VTI1A: variants seen among roughly 807,000 people sequenced by gnomAD.
VTI1A encodes vesicle transport through interaction with t-SNAREs 1A, also known as vesicle transport through interaction with t-SNAREs homolog 1A.
In VTI1A, 22 loss-of-function variants were observed where a neutral mutation model predicts 34.9. The ratio of observed to expected loss-of-function variants is 0.63; its 90% CI spans 0.45 to 0.90. The LOEUF (loss-of-function observed/expected upper bound fraction) is 0.90. VTI1A is among the 40% of genes least tolerant of loss of function. VTI1A has a pLI of 0.00. For missense variants in VTI1A, 268 were observed against 275.6 expected (o/e 0.97, Z 0.20); for synonymous variants, 87 against 97.3 (o/e 0.89, Z 0.62).
At position 112,815,985 on chromosome 10, in the gene VTI1A, A is replaced by T; in HGVS notation, c.*602A>T. 4.6e-6 allele frequency: 1 copy of T among 218,008 alleles called. No homozygotes were observed. Among genetic ancestry groups the T allele is most frequent in the East Asian group, 6.8e-5 (1 of 14,616 alleles). 13.5% of individuals were successfully genotyped at this position (218,008 alleles called of 1,614,324 possible). On this transcript the variant is annotated 3_prime_UTR_variant, in exon 8 of 8. Coordinates refer to ENST00000393077, the MANE Select transcript of VTI1A (RefSeq NM_145206.4). ...ACTTTCCCTGTTTTTCTATTGCATAATTTTTTTTTTAACCCAAAGATATTT... is the reference window on the plus strand; with the variant it reads ...ACTTTCCCTGTTTTTCTATTGCATATTTTTTTTTTTAACCCAAAGATATTT...
intron 7 of VTI1A, among the ~76,000 whole-genome samples, chr10:112,718,645 T>C (rs539730412): frequency 6.6e-6 from 1 of 152,306 alleles, no homozygotes; most frequent in South Asian, 2.1e-4. Context: ...TATTCTGAAA[T>C]CCCTTCTCAT....
At chr10:112,520,707 T>G (rs1232393086) in intron 3 of VTI1A, among the ~76,000 whole-genome samples, 1 of 150,048 alleles carries the variant, frequency 6.7e-6, no homozygotes, top group Non-Finnish European at 1.5e-5. Flanking sequence ...TATTCACATA[T>G]GATATTATAG....
intron 5 of VTI1A, among the ~76,000 whole-genome samples, chr10:112,666,797 TTATA>T (rs1466878842): frequency 3.3e-5 from 5 of 152,210 alleles, no homozygotes; most frequent in African/African-American, 1.2e-4. Context: ...AGTGATGTTC[TTATA>T]TCAATCAATT....
the VTI1A span, chr10:112,826,701 T>A: frequency 0.84 from 127,297 of 152,064 alleles, 53,641 homozygotes; most frequent in African/African-American, 0.93. Flanking sequence ...GAAAGGAAAA[T>A]ATCCTGATTC....
intron 5 of VTI1A, among the ~76,000 whole-genome samples, chr10:112,599,403 G>C (rs1157602399): frequency 6.6e-6 from 1 of 152,120 alleles, no homozygotes; most frequent in Non-Finnish European, 1.5e-5. Context: ...GGAAGATACT[G>C]CCCTCTTGGA....
At chr10:112,564,447 A>G (rs1037709475) in intron 5 of VTI1A, among the ~76,000 whole-genome samples, 9 of 151,888 alleles carry the variant, frequency 5.9e-5, no homozygotes, top group Non-Finnish European at 1.2e-4. Context: ...ACTTCTTTAA[A>G]AAAAAAAAAA....
At chr10:112,633,277 A>C (rs1318191764) in intron 5 of VTI1A, among the ~76,000 whole-genome samples, 1 of 152,200 alleles carries the variant, frequency 6.6e-6, no homozygotes, top group African/African-American at 2.4e-5. Context: ...TAGTAAGAAG[A>C]AGATTAGCTC....
intron 7 of VTI1A, among the ~76,000 whole-genome samples, chr10:112,809,442 C>T (rs549964679): frequency 6.6e-6 from 1 of 152,310 alleles, no homozygotes; most frequent in East Asian, 1.9e-4. Flanking sequence ...CTAATTGTTA[C>T]TGTTCTGTCA....
chr10:112,714,902 G>A (rs7090636), intron 7 of VTI1A, among the ~76,000 whole-genome samples: 2,729 of 152,296 alleles, frequency 0.018, 85 homozygotes, highest in African/African-American at 0.062. Flanking sequence ...AATCTTCCAT[G>A]ATGTGCACCG....
intron 7 of VTI1A, among the ~76,000 whole-genome samples, chr10:112,812,468 G>A (rs987875536): frequency 2.0e-5 from 3 of 152,146 alleles, no homozygotes; most frequent in Admixed American, 6.5e-5. Flanking sequence ...AATACAGGCC[G>A]GCAGCCCCTG....
chr10:112,771,467 C>G (rs1009445218), intron 7 of VTI1A, among the ~76,000 whole-genome samples: 1 of 152,166 alleles, frequency 6.6e-6, no homozygotes, highest in African/African-American at 2.4e-5. Context: ...TGTCCTGCAG[C>G]AAAACAGCTG....
At chr10:112,691,194 T>C (rs143846354) in intron 7 of VTI1A, among the ~76,000 whole-genome samples, 3 of 151,596 alleles carry the variant, frequency 2.0e-5, no homozygotes, top group African/African-American at 7.3e-5. Context: ...ACAGGAGGTG[T>C]AGGTTGCAGT....
chr10:112,643,163 TC>T lies in VTI1A; in HGVS notation c.428-25054del, dbSNP rs1247467144. Among the ~76,000 whole-genome samples, 5 of 97,000 alleles carry T rather than the reference TC, an allele frequency of 5.2e-5. No individual in the cohort carries two copies. In the South Asian group the frequency reaches 1.1e-3, roughly 22 times the overall value. The allele number at this position is 97,000 out of a possible 152,430, so 63.6% of individuals were successfully genotyped here. A position where few individuals can be genotyped will look rare whatever the true frequency, so the allele number is the denominator to read the frequency against. ...CCACACCTGGCTAATTTTTTTTTTT[TC>T]TTTTTTTTTTTTTGTAGAGACAGAG... On this transcript the variant is annotated intron_variant, in intron 5 of 7. Transcript: ENST00000393077.
intron 5 of VTI1A, among the ~76,000 whole-genome samples, chr10:112,657,264 TC>T (rs1480280132): frequency 6.6e-6 from 1 of 152,240 alleles, no homozygotes; most frequent in Non-Finnish European, 1.5e-5. Flanking sequence ...TCTTCCTGTA[TC>T]CATTGTCCTA....
chr10:112,506,270 A>G (rs1849422818), intron 3 of VTI1A, among the ~76,000 whole-genome samples: 2 of 152,186 alleles, frequency 1.3e-5, no homozygotes, highest in African/African-American at 4.8e-5. Context: ...AAAATGTGGT[A>G]CTATAATCTT....
intron 3 of VTI1A, among the ~76,000 whole-genome samples, chr10:112,491,795 CACATTAT>C (rs1848834017): frequency 6.6e-6 from 1 of 152,118 alleles, no homozygotes; most frequent in African/African-American, 2.4e-5. Context: ...ACTACTGCAC[CACATTAT>C]ACAGCAGCTC....
chr10:112,457,466 A>G (rs1393547089), intron 1 of VTI1A, among the ~76,000 whole-genome samples: 2 of 152,216 alleles, frequency 1.3e-5, no homozygotes, highest in African/African-American at 4.8e-5. Context: ...TTAGGATTAC[A>G]TAAGAGTTAT....
chr10:112,762,316 C>T (rs1554958946), intron 7 of VTI1A, among the ~76,000 whole-genome samples: 1 of 152,006 alleles, frequency 6.6e-6, no homozygotes, highest in Non-Finnish European at 1.5e-5. Flanking sequence ...AAAGTGAAAT[C>T]AGGGGTGAAG....
chr10:112,495,840 CTTGAA>C (rs932343305), intron 3 of VTI1A, among the ~76,000 whole-genome samples: 2 of 152,068 alleles, frequency 1.3e-5, no homozygotes, highest in South Asian at 2.1e-4. Context: ...AATTCAATGA[CTTGAA>C]TTGAATTATG....
Sources: gnomAD v4.1 joint callset for allele counts (sites outside exome capture counted in the v4.1 genomes callset) on GRCh38, gnomAD v4.1.1 for gene constraint, MANE v1.5 for transcripts, NCBI Gene and HGNC (gene_info 2026-07-23, HGNC 2026-07-21) for gene names.